EYS: variants seen among roughly 807,000 people sequenced by gnomAD.
The protein encoded by EYS is protein eyes shut homolog.
A neutral mutation model predicts 282.1 loss-of-function variants in EYS; 250 were observed. The observed-to-expected ratio is 0.89, with a 90% CI of 0.80 to 0.98. The LOEUF (loss-of-function observed/expected upper bound fraction) is 0.98. EYS is among the 50% of genes least tolerant of loss of function. The pLI is 0.00. For synonymous variants in EYS, 1,355 were observed against 1,282.9 expected (o/e 1.06, Z -1.20); for missense variants, 4,016 against 3,709.0 (o/e 1.08, Z -2.15).
intron 13 of EYS, among the ~76,000 whole-genome samples, chr6:65,018,948 T>C (rs1453079560): frequency 6.6e-6 from 1 of 152,150 alleles, no homozygotes; most frequent in Non-Finnish European, 1.5e-5. Flanking sequence ...TTGACCTTAC[T>C]GTATGACATC....
chr6:63,826,570 G>T (rs77872624), intron 36 of EYS, among the ~76,000 whole-genome samples: 5,851 of 152,216 alleles, frequency 0.038, 400 homozygotes, highest in African/African-American at 0.13. Context: ...CAAGCTAGAA[G>T]GGATTGGGGA....
At chr6:64,905,441 G>A (rs370263079) in intron 16 of EYS, among the ~76,000 whole-genome samples, 76 of 152,222 alleles carry the variant, frequency 5.0e-4, no homozygotes, top group Non-Finnish European at 9.1e-4. Flanking sequence ...CTGCAGGGAG[G>A]ATCTTTACAT....
chr6:63,968,588 TCA>T (rs1208709620), intron 35 of EYS, among the ~76,000 whole-genome samples: 3 of 152,208 alleles, frequency 2.0e-5, no homozygotes, highest in African/African-American at 7.2e-5. Flanking sequence ...TGGTACAATT[TCA>T]GTTTGAATAT....
chr6:65,684,651 T>C (rs560482841), intron 1 of EYS, among the ~76,000 whole-genome samples: 7 of 152,120 alleles, frequency 4.6e-5, no homozygotes, highest in East Asian at 1.9e-4. Flanking sequence ...ATACTTCCCA[T>C]GGTAAGGTGA....
chr6:64,150,802 C>G (rs1774677131), intron 31 of EYS, among the ~76,000 whole-genome samples: 1 of 152,100 alleles, frequency 6.6e-6, no homozygotes, highest in Non-Finnish European at 1.5e-5. Context: ...TTGAGACCCT[C>G]TCGATGTCAA....
chr6:64,101,876 G>A (rs1168509165), intron 31 of EYS, among the ~76,000 whole-genome samples: 1 of 151,864 alleles, frequency 6.6e-6, no homozygotes, highest in African/African-American at 2.4e-5. Flanking sequence ...CCCATCTGGG[G>A]GTGATGTATT....
At chr6:64,149,808 C>T (rs1774640626) in intron 31 of EYS, among the ~76,000 whole-genome samples, 1 of 152,166 alleles carries the variant, frequency 6.6e-6, no homozygotes, top group African/African-American at 2.4e-5. Flanking sequence ...CTGAGTTAAC[C>T]TCACAGATCA....
chr6:63,747,989 T>G (rs377107754), intron 41 of EYS, among the ~76,000 whole-genome samples: 17 of 152,338 alleles, frequency 1.1e-4, no homozygotes, highest in Admixed American at 3.9e-4. Context: ...GATCCTGTCA[T>G]TATGATGCTA....
intron 13 of EYS, among the ~76,000 whole-genome samples, chr6:65,026,488 C>T (rs1479423773): frequency 2.0e-5 from 3 of 152,110 alleles, no homozygotes; most frequent in Non-Finnish European, 4.4e-5. Context: ...CATTTATGCA[C>T]AGATGAATGG....
At chr6:64,587,813 G>A (rs1766279397) in intron 26 of EYS, among the ~76,000 whole-genome samples, 1 of 151,958 alleles carries the variant, frequency 6.6e-6, no homozygotes, top group Admixed American at 6.6e-5. Context: ...AGACAGTTTG[G>A]AATTGGGTAA....
intron 12 of EYS, among the ~76,000 whole-genome samples, chr6:65,220,007 C>G (rs1355370304): frequency 6.6e-6 from 1 of 152,062 alleles, no homozygotes; most frequent in Non-Finnish European, 1.5e-5. Context: ...GAGGGGGAGG[C>G]ATAAAGGCAA....
chr6:64,084,991 A>G (rs1219239541), intron 31 of EYS, among the ~76,000 whole-genome samples: 5 of 151,900 alleles, frequency 3.3e-5, no homozygotes, highest in Non-Finnish European at 7.4e-5. Context: ...TTAATTTCCA[A>G]CCAAACTCTG....
chr6:64,707,449 C>T (rs1370177434), intron 22 of EYS, among the ~76,000 whole-genome samples: 1 of 151,958 alleles, frequency 6.6e-6, no homozygotes, highest in East Asian at 1.9e-4. Flanking sequence ...GTGGGCGGGT[C>T]ACGAGGTCAG....
intron 12 of EYS, among the ~76,000 whole-genome samples, chr6:65,113,453 C>T (rs1775277995): frequency 6.6e-6 from 1 of 151,890 alleles, no homozygotes; most frequent in South Asian, 2.1e-4. Context: ...CATAATAATG[C>T]TTTTGACCAA....
At chr6:65,227,809 A>C (rs374116961) in intron 12 of EYS, among the ~76,000 whole-genome samples, 4 of 152,054 alleles carry the variant, frequency 2.6e-5, no homozygotes, top group South Asian at 4.1e-4. Flanking sequence ...AATTGAAATA[A>C]GCCAGACAAA....
At chr6:64,573,721 A>G (rs1318139475) in intron 26 of EYS, among the ~76,000 whole-genome samples, 1 of 152,214 alleles carries the variant, frequency 6.6e-6, no homozygotes, top group Non-Finnish European at 1.5e-5. Flanking sequence ...CAAAACCACA[A>G]TGAGATGCCA....
At chr6:64,029,709 G>C (rs1258336241) in intron 33 of EYS, among the ~76,000 whole-genome samples, 1 of 152,216 alleles carries the variant, frequency 6.6e-6, no homozygotes, top group African/African-American at 2.4e-5. Context: ...ACGAAGGGCA[G>C]GTTATGCCAT....
intron 40 of EYS, among the ~76,000 whole-genome samples, chr6:63,775,732 A>G (rs1013707668): frequency 2.0e-5 from 3 of 152,176 alleles, no homozygotes; most frequent in Admixed American, 1.3e-4. Context: ...GAGATTAGAA[A>G]AGAATTGTTT....
At chr6:65,547,533 ATGCCTAC>A in intron 2 of EYS, among the ~76,000 whole-genome samples, 1 of 152,250 alleles carries the variant, frequency 6.6e-6, no homozygotes, top group East Asian at 1.9e-4. Flanking sequence ...GAATGTTTGC[ATGCCTAC>A]TTTTAATATT....
Sources: gnomAD v4.1 joint callset for allele counts (sites outside exome capture counted in the v4.1 genomes callset) on GRCh38, gnomAD v4.1.1 for gene constraint, MANE v1.5 for transcripts, NCBI Gene and HGNC (gene_info 2026-07-23, HGNC 2026-07-21) for gene names.